Variants in SPECC1L observed in about 807,000 individuals in gnomAD.
SPECC1L encodes sperm antigen with calponin homology and coiled-coil domains 1 like.
In SPECC1L, 40 loss-of-function variants were observed where a neutral mutation model predicts 116.8. The ratio of observed to expected loss-of-function variants is 0.34; its 90% confidence interval spans 0.27 to 0.45. SPECC1L has a LOEUF of 0.45. Among genes scored for constraint, SPECC1L ranks in the 20% least tolerant of loss-of-function variants. SPECC1L has a pLI of 1.00. For synonymous variants in SPECC1L, 504 were observed against 500.6 expected, an observed-to-expected ratio of 1.01 and a Z score of -0.09; for missense variants, 1,110 against 1,373.6, an observed-to-expected ratio of 0.81 and a Z score of 3.03.
intron 3 of SPECC1L, among the ~76,000 whole-genome samples, chr22:24,309,905 A>G (rs936466071): frequency 1.3e-5 from 2 of 152,214 alleles, no homozygotes; most frequent in Admixed American, 1.3e-4. Flanking sequence ...ATGAAACACT[A>G]ACATGGCTCC....
intron 2 of SPECC1L, among the ~76,000 whole-genome samples, chr22:24,298,618 C>G (rs1313129736): frequency 6.6e-6 from 1 of 152,198 alleles, no homozygotes. Flanking sequence ...AAGTTTCTGT[C>G]TGAAATCCAG....
intron 14 of SPECC1L, among the ~76,000 whole-genome samples, chr22:24,372,183 G>A (rs5760371): frequency 0.079 from 12,077 of 152,118 alleles, 923 homozygotes; most frequent in African/African-American, 0.19. Flanking sequence ...ATGGATTCAC[G>A]GCCGAATTCT....
rs192032865 is a variant in SPECC1L at position 24,387,259 on chromosome 22, G to C, written c.3087+17939G>C. 7.9e-5 allele frequency among the ~76,000 whole-genome samples: 12 copies of C among 152,364 alleles called. 1 individual carries two copies. The East Asian group carries it at 2.3e-3, about 29-fold the overall frequency. On this transcript the variant is annotated intron_variant, in intron 14 of 16. Coordinates refer to ENST00000314328, the MANE Select transcript of SPECC1L (RefSeq NM_015330.6). ...TGTTGCAACATGCAGCAGCATGGAT[G>C]AATCTCACACATGTAATATTGAGCA... is the stretch of plus-strand genomic sequence containing the variant.
chr22:24,337,814 T>G (rs2041090613), intron 9 of SPECC1L, among the ~76,000 whole-genome samples: 1 of 152,142 alleles, frequency 6.6e-6, no homozygotes, highest in African/African-American at 2.4e-5. Context: ...TAATAAATTC[T>G]AAAAACATAA....
At chr22:24,349,080 G>A (rs1173818753) in intron 11 of SPECC1L, among the ~76,000 whole-genome samples, 21 of 150,842 alleles carry the variant, frequency 1.4e-4, no homozygotes, top group African/African-American at 2.4e-5. Flanking sequence ...TCACTCTGTC[G>A]CCCAGGCTGT....
chr22:24,300,325 C>G (rs1378441804), intron 2 of SPECC1L, among the ~76,000 whole-genome samples: 3 of 152,200 alleles, frequency 2.0e-5, no homozygotes, highest in Admixed American at 6.5e-5. Context: ...CTTCTTATGG[C>G]TGCATAGTAT....
At chr22:24,325,672 A>G (rs1218570580) in intron 6 of SPECC1L, among the ~76,000 whole-genome samples, 1 of 152,082 alleles carries the variant, frequency 6.6e-6, no homozygotes, top group Non-Finnish European at 1.5e-5. Flanking sequence ...CATGAATGAA[A>G]AAAGGTCAAT....
chr22:24,323,781 G>A (rs1373126405), intron 5 of SPECC1L, among the ~76,000 whole-genome samples: 1 of 152,134 alleles, frequency 6.6e-6, no homozygotes, highest in African/African-American at 2.4e-5. Flanking sequence ...CATGTTGAGA[G>A]GCTACTGTGA....
At chr22:24,291,334 C>A (rs941085921) in intron 2 of SPECC1L, among the ~76,000 whole-genome samples, 1 of 152,166 alleles carries the variant, frequency 6.6e-6, no homozygotes, top group Non-Finnish European at 1.5e-5. Flanking sequence ...GTGTGGGTGA[C>A]TTGCACAAGG....
intron 2 of SPECC1L, among the ~76,000 whole-genome samples, chr22:24,284,339 T>C (rs1670125243): frequency 6.6e-6 from 1 of 152,220 alleles, no homozygotes; most frequent in African/African-American, 2.4e-5. Flanking sequence ...CTTTAGTTCA[T>C]AGACGTAGAA....
chr22:24,356,581 G>A (rs909647128), intron 11 of SPECC1L, among the ~76,000 whole-genome samples: 4 of 151,780 alleles, frequency 2.6e-5, no homozygotes, highest in African/African-American at 7.3e-5. Context: ...TCTTGTAGAC[G>A]GTATATAGTT....
At chr22:24,410,187 C>T (rs1448536779) in intron 14 of SPECC1L, among the ~76,000 whole-genome samples, 4 of 152,186 alleles carry the variant, frequency 2.6e-5, no homozygotes, top group South Asian at 2.1e-4. Flanking sequence ...TGGGGGGGAT[C>T]TCACTGTGTT....
intron 14 of SPECC1L, among the ~76,000 whole-genome samples, chr22:24,386,638 C>G (rs6004145): frequency 6.6e-6 from 1 of 151,902 alleles, no homozygotes; most frequent in African/African-American, 2.4e-5. Flanking sequence ...GAGTCTTGCT[C>G]TGTCATCCAG....
intron 13 of SPECC1L, among the ~76,000 whole-genome samples, chr22:24,367,364 C>T (rs1640937994): frequency 6.6e-6 from 1 of 152,130 alleles, no homozygotes; most frequent in Admixed American, 6.5e-5. Context: ...ACCCGCAGCC[C>T]AGGACAGCTT....
In SPECC1L at chr22:24,299,703, T is replaced by G. The variant is rs189303802; in HGVS notation, c.-37-2492T>G. ...TCATAAGTTTAGGAAAAACTTATGG[T>G]TTTTTTTTTAATTTTAGCTCTATTG... On this transcript the variant is annotated intron_variant, in intron 2 of 16. Transcript: ENST00000314328. Among the ~76,000 whole-genome samples the G allele has an allele frequency of 6.4e-3, 917 of 142,438 alleles. 10 individuals carry two copies. The highest frequency in any genetic ancestry group is 0.011 in the Middle Eastern group (3 of 278). 93.4% of individuals were successfully genotyped at this position (142,438 alleles called of 152,430 possible).
intron 2 of SPECC1L, 148 bp from the exon 3 acceptor site, chr22:24,302,047 A>G (rs79338922): frequency 2.6e-5 from 13 of 494,808 alleles, no homozygotes; most frequent in Non-Finnish European, 4.1e-5. Context: ...CTCCGTCTCA[A>G]AAAAAAAAAA....
chr22:24,318,145 G>T (rs1274362755), intron 4 of SPECC1L, among the ~76,000 whole-genome samples: 1 of 152,080 alleles, frequency 6.6e-6, no homozygotes, highest in Non-Finnish European at 1.5e-5. Flanking sequence ...CTGCAATCTC[G>T]GCACTTTGGG....
chr22:24,340,957 A>G (rs1353499434), intron 10 of SPECC1L, among the ~76,000 whole-genome samples: 3 of 152,278 alleles, frequency 2.0e-5, no homozygotes, highest in Admixed American at 6.5e-5. Context: ...ATAAGAAACA[A>G]TTATTTTCAG....
At chr22:24,362,559 T>C (rs1160659473) in intron 11 of SPECC1L, among the ~76,000 whole-genome samples, 1 of 152,218 alleles carries the variant, frequency 6.6e-6, no homozygotes, top group Non-Finnish European at 1.5e-5. Flanking sequence ...AAGGTTTTCC[T>C]TAATCAGCCT....
Sources: allele counts gnomAD v4.1 joint callset (sites outside exome capture counted in the v4.1 genomes callset), GRCh38; gene constraint gnomAD v4.1.1; transcripts MANE v1.5; gene names NCBI Gene and HGNC (gene_info 2026-07-23, HGNC 2026-07-21).